GALM: variants seen among roughly 807,000 people sequenced by gnomAD.
GALM encodes galactose mutarotase.
A neutral mutation model predicts 37.4 loss-of-function variants in GALM; 43 were observed. That is an observed-to-expected ratio of 1.15 (90% CI 0.90 to 1.48). The LOEUF (loss-of-function observed/expected upper bound fraction) is 1.48. Among genes scored for constraint, GALM ranks in the 40% most tolerant of loss-of-function variants. The probability of loss-of-function intolerance (pLI) is 0.00; values close to 1 mark genes in which losing one functional copy is unlikely to be tolerated. For synonymous variants in GALM, 199 were observed against 170.6 expected (o/e 1.17, Z -1.30); for missense variants, 456 against 419.1 (o/e 1.09, Z -0.77).
rs373671218 is a variant in GALM, at chr2:38,673,809, C to CAAA, written c.191-2090_191-2088dup. 4.6e-3 allele frequency among the ~76,000 whole-genome samples: 389 copies of CAAA among 84,490 alleles called. 1 individual carries two copies. The highest frequency in any genetic ancestry group is 0.014 in the East Asian group (53 of 3,772). The allele number at this position is 84,490 out of a possible 152,430, so 55.4% of individuals were successfully genotyped here. On this transcript the variant is annotated intron_variant, in intron 1 of 6. Transcript: ENST00000272252. ...TGGGCGACAGAGCGAGACTCCGTCT[C>CAAA]AAAAAAAAAAAAAAAGGGAACTCAA...
At chr2:38,725,852 C>T (rs1044156036) in intron 4 of GALM, among the ~76,000 whole-genome samples, 8 of 152,132 alleles carry the variant, frequency 5.3e-5, no homozygotes, top group South Asian at 2.1e-4. Flanking sequence ...GCTGATATTA[C>T]AGGTATGCGC....
chr2:38,732,048 C>T (rs1247656029), intron 6 of GALM, 139 bp downstream of exon 6: 1 of 785,102 alleles, frequency 1.3e-6, no homozygotes, highest in Non-Finnish European at 2.0e-6. Context: ...GAGACAGAGT[C>T]TCACTCTTGT....
intron 3 of GALM, among the ~76,000 whole-genome samples, chr2:38,686,250 T>TTCTCTCTTTCTC (rs745737173): frequency 3.8e-5 from 3 of 78,434 alleles, no homozygotes; most frequent in Non-Finnish European, 9.0e-5. Flanking sequence ...CTTTCTTTCT[T>TTCTCTCTTTCTC]TCTTTCTTTC....
intron 4 of GALM, among the ~76,000 whole-genome samples, chr2:38,727,119 G>A (rs1221618222): frequency 6.6e-6 from 1 of 151,762 alleles, no homozygotes; most frequent in African/African-American, 2.4e-5. Context: ...GGGAGGCTGA[G>A]GCGGGAGAAT....
At chr2:38,680,056 C>T (rs1665357519) in intron 2 of GALM, 1 of 455,208 alleles carries the variant, frequency 2.2e-6, no homozygotes, top group African/African-American at 2.0e-5. Flanking sequence ...ACTCTGTCAC[C>T]CAGATTGGAG....
At chr2:38,672,931 A>G (rs951633587) in intron 1 of GALM, among the ~76,000 whole-genome samples, 1 of 152,130 alleles carries the variant, frequency 6.6e-6, no homozygotes, top group Non-Finnish European at 1.5e-5. Context: ...AACTGCTTGA[A>G]TCCAGGAGGC....
intron 4 of GALM, among the ~76,000 whole-genome samples, chr2:38,711,895 T>A (rs1209267084): frequency 2.5e-5 from 1 of 39,248 alleles, no homozygotes; most frequent in Non-Finnish European, 5.2e-5. Flanking sequence ...CTTAAGTAAG[T>A]GCTTTGCCTA....
rs1024773859 is a variant in GALM, at chr2:38,734,539, C to T, written c.*974C>T. 2 of 151,978 alleles carry T rather than the reference C, an allele frequency of 1.3e-5. No homozygotes were observed. Among genetic ancestry groups the T allele is most frequent in the Non-Finnish European group, 1.5e-5 (1 of 68,186 alleles). The allele number at this position is 151,978 out of a possible 1,614,324, so 9.4% of individuals were successfully genotyped here. A position where few individuals can be genotyped will look rare whatever the true frequency, so the allele number is the denominator to read the frequency against. ...AAGAAAGACAGGCAAGCACTGGAAACAGGAGCTATTAGGGTGAGGAGAGAG... is the reference window on the plus strand; with the variant it reads ...AAGAAAGACAGGCAAGCACTGGAAATAGGAGCTATTAGGGTGAGGAGAGAG... On this transcript the variant is annotated 3_prime_UTR_variant, in exon 7 of 7. Transcript: ENST00000272252.
At chr2:38,709,484 C>G (rs6750939) in intron 4 of GALM, among the ~76,000 whole-genome samples, 150,891 of 151,892 alleles carry the variant, frequency 0.99, 74,951 homozygotes, top group East Asian at 1. Context: ...CGGATGTCAT[C>G]TAACATCCAG....
chr2:38,676,097 T>G (rs1208648293), intron 2 of GALM, 31 bp downstream of exon 2: 1 of 1,610,396 alleles, frequency 6.2e-7, no homozygotes, highest in Non-Finnish European at 8.5e-7. Flanking sequence ...TGAGTTCCCT[T>G]TAGGCTCACT....
intron 4 of GALM, among the ~76,000 whole-genome samples, chr2:38,720,607 T>C (rs1373902485): frequency 2.6e-5 from 4 of 152,168 alleles, no homozygotes; most frequent in Non-Finnish European, 5.9e-5. Flanking sequence ...TTATCTCTAA[T>C]TGTTTCTATT....
intron 4 of GALM, among the ~76,000 whole-genome samples, chr2:38,702,932 T>TTATATATATATA (rs202010853): frequency 1.6e-4 from 21 of 134,888 alleles, no homozygotes; most frequent in African/African-American, 5.6e-4. Flanking sequence ...TATATACTTT[T>TTATATATATATA]TATATATATA....
intron 4 of GALM, among the ~76,000 whole-genome samples, chr2:38,705,915 G>T (rs1004302015): frequency 5.3e-5 from 8 of 152,054 alleles, no homozygotes; most frequent in African/African-American, 1.9e-4. Context: ...TCCCCCTCCG[G>T]GTTCAGTGGT....
At chr2:38,687,469 G>T (rs919047424) in intron 3 of GALM, among the ~76,000 whole-genome samples, 3 of 152,238 alleles carry the variant, frequency 2.0e-5, no homozygotes, top group African/African-American at 7.2e-5. Flanking sequence ...CAGCACTTTG[G>T]GAGGCCAAGG....
intron 4 of GALM, among the ~76,000 whole-genome samples, chr2:38,727,277 A>G (rs11124646): frequency 0.65 from 97,822 of 151,370 alleles, 32,543 homozygotes; most frequent in East Asian, 0.8. Context: ...TCTCTCGGTT[A>G]AACAGTGGAC....
chr2:38,680,882 T>C (rs1284051633), intron 2 of GALM, among the ~76,000 whole-genome samples: 3 of 152,214 alleles, frequency 2.0e-5, no homozygotes, highest in Admixed American at 6.5e-5. Flanking sequence ...ATGCCTGTAA[T>C]CTCAGCACCT....
chr2:38,708,513 G>A (rs1263919065), intron 4 of GALM, among the ~76,000 whole-genome samples: 2 of 151,930 alleles, frequency 1.3e-5, no homozygotes, highest in Admixed American at 6.6e-5. Flanking sequence ...AGGCCGAGGC[G>A]GGCGGATCAT....
chr2:38,683,826 CA>C (rs1370656719), intron 3 of GALM, among the ~76,000 whole-genome samples: 1 of 152,204 alleles, frequency 6.6e-6, no homozygotes, highest in East Asian at 1.9e-4. Flanking sequence ...TTCAGCCTCC[CA>C]AAGTGCTAGG....
intron 4 of GALM, among the ~76,000 whole-genome samples, chr2:38,692,287 T>G (rs570951931): frequency 1.3e-5 from 2 of 152,334 alleles, no homozygotes; most frequent in South Asian, 4.1e-4. Context: ...AATTGTCTGA[T>G]TCCTTTGAAA....
Sources: allele counts gnomAD v4.1 joint callset (sites outside exome capture counted in the v4.1 genomes callset), GRCh38; gene constraint gnomAD v4.1.1; transcripts MANE v1.5; gene names NCBI Gene and HGNC (gene_info 2026-07-23, HGNC 2026-07-21).